KANSL1L: variants seen among roughly 807,000 people sequenced by gnomAD.
The protein encoded by KANSL1L is KAT8 regulatory NSL complex subunit 1-like protein.
KANSL1L carries 25 observed loss-of-function variants against 108.6 expected under a neutral mutation model. The observed-to-expected ratio is 0.23, with a 90% CI of 0.17 to 0.32. The LOEUF (loss-of-function observed/expected upper bound fraction) is 0.32, where lower values mean the gene tolerates loss of function less well. Ranked by LOEUF, KANSL1L falls within the 10% of genes least tolerant of loss-of-function variation. KANSL1L has a pLI of 1.00. For missense variants in KANSL1L, 1,137 were observed against 1,125.7 expected (o/e 1.01, Z -0.14); for synonymous variants, 405 against 395.1 (o/e 1.03, Z -0.30).
intron 6 of KANSL1L, among the ~76,000 whole-genome samples, chr2:210,058,031 AG>A (rs1420856012): frequency 6.6e-6 from 1 of 152,226 alleles, no homozygotes; most frequent in African/African-American, 2.4e-5. Context: ...GGAACAAGAG[AG>A]ATAACCTTAA....
intron 1 of KANSL1L, among the ~76,000 whole-genome samples, chr2:210,164,170 A>G (rs1380526834): frequency 6.6e-6 from 1 of 152,200 alleles, no homozygotes; most frequent in Non-Finnish European, 1.5e-5. Context: ...TAATCAATAC[A>G]TAAACATCTT....
intron 2 of KANSL1L, among the ~76,000 whole-genome samples, chr2:210,148,682 A>C (rs1351584383): frequency 6.6e-6 from 1 of 152,232 alleles, no homozygotes; most frequent in African/African-American, 2.4e-5. Flanking sequence ...TCAATTAGTA[A>C]TATCATTATG....
intron 5 of KANSL1L, among the ~76,000 whole-genome samples, chr2:210,085,742 G>A (rs2094631343): frequency 6.6e-6 from 1 of 151,184 alleles, no homozygotes; most frequent in Non-Finnish European, 1.5e-5. Flanking sequence ...ATATAAGCAT[G>A]TTTCCATATG....
chr2:210,104,702 T>C (rs1346215970), intron 3 of KANSL1L, among the ~76,000 whole-genome samples: 1 of 152,162 alleles, frequency 6.6e-6, no homozygotes, highest in Non-Finnish European at 1.5e-5. Flanking sequence ...GTGCTTTACA[T>C]TTGAGCACTC....
At chr2:210,036,686 T>TA (rs2125163793) in intron 8 of KANSL1L, among the ~76,000 whole-genome samples, 1 of 152,334 alleles carries the variant, frequency 6.6e-6, no homozygotes, top group East Asian at 1.9e-4. Flanking sequence ...TTAAGACAGA[T>TA]ATATAGGATG....
intron 3 of KANSL1L, among the ~76,000 whole-genome samples, chr2:210,126,666 AT>A (rs1227514951): frequency 6.6e-6 from 1 of 152,060 alleles, no homozygotes; most frequent in Non-Finnish European, 1.5e-5. Flanking sequence ...AAATACAAAA[AT>A]TTTAGCTGGG....
intron 9 of KANSL1L, chr2:210,030,681 A>T (rs577649838): frequency 1.8e-4 from 27 of 151,572 alleles, no homozygotes; most frequent in African/African-American, 4.1e-4. Context: ...TCCATTTGTT[A>T]AAAAAAAGTC....
At chr2:210,076,849 G>A (rs1159101557) in intron 5 of KANSL1L, among the ~76,000 whole-genome samples, 1 of 151,924 alleles carries the variant, frequency 6.6e-6, no homozygotes, top group Non-Finnish European at 1.5e-5. Context: ...CCTTAGTTAT[G>A]TAGACAAAAG....
At chr2:210,115,269 C>G (rs1444529013) in intron 3 of KANSL1L, among the ~76,000 whole-genome samples, 1 of 151,906 alleles carries the variant, frequency 6.6e-6, no homozygotes, top group Non-Finnish European at 1.5e-5. Context: ...TCAGACAAAA[C>G]AGATTTTAAA....
chr2:210,101,697 A>G (rs901483372), intron 4 of KANSL1L, among the ~76,000 whole-genome samples: 7 of 152,216 alleles, frequency 4.6e-5, no homozygotes, highest in Admixed American at 6.5e-5. Flanking sequence ...TCAGATAATT[A>G]CCAAACAGCT....
In KANSL1L at chr2:210,104,290, G is replaced by C. The variant is rs559653557; in HGVS notation, c.1242C>G (p.Val414=). 6.2e-7 allele frequency: 1 copy of C among 1,612,806 alleles called. No homozygotes were observed. The highest frequency in any genetic ancestry group is 8.5e-7 in the Non-Finnish European group (1 of 1,179,304). The change falls in exon 4 of 15, where the codon GTC becomes GTG. Residue 414 remains valine (V), a synonymous_variant. Coordinates refer to ENST00000281772, the MANE Select transcript of KANSL1L (RefSeq NM_152519.4). ...CTTTTGGAAGCTGACATTCTTCTAG[G>C]ACCACTATCCCCTAGACAAAAAACA... ...RQIRASKGIV[V]LEECQLPKDI...
At chr2:210,025,249 C>G (rs781117660) in intron 12 of KANSL1L, 33 bp from the exon 13 acceptor site, 3 of 1,309,008 alleles carry the variant, frequency 2.3e-6, no homozygotes, top group South Asian at 2.4e-5. Flanking sequence ...TTGTTTTAAT[C>G]AGAAACATTT....
chr2:210,112,400 A>C (rs1219904644), intron 3 of KANSL1L, among the ~76,000 whole-genome samples: 1 of 152,234 alleles, frequency 6.6e-6, no homozygotes, highest in Non-Finnish European at 1.5e-5. Flanking sequence ...AATCACATTG[A>C]CAGTAGACTT....
At chr2:210,028,721 C>A in intron 11 of KANSL1L, 124 bp downstream of exon 11, 1 of 688,544 alleles carries the variant, frequency 1.5e-6, no homozygotes, top group Non-Finnish European at 2.4e-6. Flanking sequence ...CACCGTTTCC[C>A]CTCCATGGCT....
In KANSL1L at chr2:210,171,406, G is replaced by A. The variant is rs1308440548; in HGVS notation, c.-287C>T. 1.9e-5 allele frequency: 3 copies of A among 159,584 alleles called. No individual in the cohort carries two copies. The highest frequency in any genetic ancestry group is 3.4e-4 in the South Asian group (2 of 5,838). 9.9% of individuals were successfully genotyped at this position (159,584 alleles called of 1,614,324 possible). ...CTCGGGGGGACGGAACCCTGCCGCG[G>A]TCTGGGAGCAGTGGGCGGGGCCCGG... On this transcript the variant is annotated 5_prime_UTR_variant, in exon 1 of 15. Transcript: ENST00000281772.
At chr2:210,097,520 C>A (rs956447947) in intron 5 of KANSL1L, 1 of 158,780 alleles carries the variant, frequency 6.3e-6, no homozygotes, top group African/African-American at 2.4e-5. Context: ...CAAAGCACAA[C>A]AAATGCTGTT....
intron 10 of KANSL1L, 129 bp downstream of exon 10, chr2:210,029,671 CAAG>C: frequency 2.2e-6 from 1 of 460,462 alleles, no homozygotes; most frequent in African/African-American, 2.0e-5. Context: ...TGTTTTCTAA[CAAG>C]ATAGTTATAA....
intron 8 of KANSL1L, among the ~76,000 whole-genome samples, chr2:210,037,573 A>C (rs2094120644): frequency 6.6e-6 from 1 of 152,134 alleles, no homozygotes; most frequent in South Asian, 2.1e-4. Flanking sequence ...TTTACTGTGG[A>C]AAATTTTCAA....
chr2:210,029,882 T>A lies in KANSL1L; in HGVS notation c.2192A>T (p.His731Leu), dbSNP rs140481445. ...ATTGCTATGGGATCCTGATTCTGTGTGTTGAAAATCAGATTCTTCAAGTTT... is the reference window on the plus strand; with the variant it reads ...ATTGCTATGGGATCCTGATTCTGTGAGTTGAAAATCAGATTCTTCAAGTTT... The part of the protein sequence containing the change: ...RTKLEESDFQ[H>L]TESGSHSNFT... The change falls in exon 10 of 15, where the codon CAC (histidine) becomes CTC (leucine). Residue 731 changes from histidine to leucine, a missense_variant. Physicochemically the swap from His to Leu is moderately conservative, Grantham distance 99. Coordinates refer to ENST00000281772, the MANE Select transcript of KANSL1L (RefSeq NM_152519.4). 4.6e-4 allele frequency: 745 copies of A among 1,605,806 alleles called. 3 individuals are homozygous for A. The highest frequency in any genetic ancestry group is 3.0e-4 in the Non-Finnish European group (347 of 1,174,298).
Sources: allele counts gnomAD v4.1 joint callset (sites outside exome capture counted in the v4.1 genomes callset), GRCh38; gene constraint gnomAD v4.1.1; transcripts MANE v1.5; gene names NCBI Gene and HGNC (gene_info 2026-07-23, HGNC 2026-07-21).